The following BRINP2 variants were observed in gnomAD, a reference collection of about 807,000 sequenced individuals.
BRINP2 encodes the protein BMP/retinoic acid inducible neural specific 2.
A neutral mutation model predicts 69.2 loss-of-function variants in BRINP2; 21 were observed. That is an observed-to-expected ratio of 0.30 (90% CI 0.22 to 0.44). The LOEUF (loss-of-function observed/expected upper bound fraction) is 0.44, where lower values mean the gene tolerates loss of function less well. Among genes scored for constraint, BRINP2 ranks in the 20% least tolerant of loss-of-function variants. The pLI is 1.00. For missense variants in BRINP2, 877 were observed against 986.0 expected (o/e 0.89, Z 1.48); for synonymous variants, 380 against 394.1 (o/e 0.96, Z 0.42).
intron 1 of BRINP2, among the ~76,000 whole-genome samples, chr1:177,228,393 C>A (rs556944513): frequency 6.6e-6 from 1 of 152,230 alleles, no homozygotes; most frequent in African/African-American, 2.4e-5. Flanking sequence ...CTGTGCAGCC[C>A]CTTTGGGATT....
Position 177,256,044 on chromosome 1 carries a change from A to C in BRINP2, c.395A>C (p.Gln132Pro). The C allele has an allele frequency of 6.2e-7, 1 of 1,614,222 alleles. No individual in the cohort carries two copies. The highest frequency in any genetic ancestry group is 8.5e-7 in the Non-Finnish European group (1 of 1,180,038). Reference sequence around the variant, plus strand: ...CTCCTTGGAAGGAGACCCAATCTGCAACAGGTTACAGAAAATCTGATTAAA... The same window carrying C: ...CTCCTTGGAAGGAGACCCAATCTGCCACAGGTTACAGAAAATCTGATTAAA... Reference protein sequence around the residue: ...IRLLGRRPNLQQVTENLIKKY... With the variant: ...IRLLGRRPNLPQVTENLIKKY... Residue 132 changes from glutamine (Q) to proline (P), a missense_variant, in exon 3 of 8, where the codon CAA (glutamine) becomes CCA (proline). Coordinates refer to ENST00000361539, the MANE Select transcript of BRINP2 (RefSeq NM_021165.4).
chr1:177,211,203 T>C (rs1345781040), intron 1 of BRINP2, among the ~76,000 whole-genome samples: 1 of 152,122 alleles, frequency 6.6e-6, no homozygotes, highest in Non-Finnish European at 1.5e-5. Flanking sequence ...ATAGCATAGA[T>C]GTCAAAATTA....
intron 4 of BRINP2, among the ~76,000 whole-genome samples, chr1:177,261,021 C>T (rs1650932345): frequency 6.6e-6 from 1 of 151,656 alleles, no homozygotes; most frequent in South Asian, 2.1e-4. Flanking sequence ...GAAGACCTGT[C>T]CAAGGAATGC....
chr1:177,238,920 TCTG>T, intron 2 of BRINP2, among the ~76,000 whole-genome samples: 1 of 152,210 alleles, frequency 6.6e-6, no homozygotes, highest in South Asian at 2.1e-4. Context: ...CCCACAAGGG[TCTG>T]CTATTTGTAC....
intron 1 of BRINP2, among the ~76,000 whole-genome samples, chr1:177,213,615 T>C (rs1466093248): frequency 6.6e-6 from 1 of 152,226 alleles, no homozygotes; most frequent in Non-Finnish European, 1.5e-5. Context: ...ATAATTAATC[T>C]GTTTTGATTC....
chr1:177,181,897 G>A (rs957262482), intron 1 of BRINP2, among the ~76,000 whole-genome samples: 3 of 152,236 alleles, frequency 2.0e-5, no homozygotes, highest in South Asian at 4.1e-4. Context: ...CGGCCGCAGA[G>A]GCGCAGGCGG....
At chr1:177,243,905 C>T (rs544049912) in intron 2 of BRINP2, among the ~76,000 whole-genome samples, 3 of 148,696 alleles carry the variant, frequency 2.0e-5, no homozygotes, top group Non-Finnish European at 4.4e-5. Flanking sequence ...GTTTGAAGGA[C>T]TAGACCTGGA....
intron 3 of BRINP2, 184 bp downstream of exon 3, chr1:177,256,293 ATT>A: frequency 1.0e-6 from 1 of 981,874 alleles, no homozygotes. Flanking sequence ...GAACATCTCT[ATT>A]TAATTATTCC....
chr1:177,247,611 T>C (rs1650425385), intron 2 of BRINP2, among the ~76,000 whole-genome samples: 1 of 152,258 alleles, frequency 6.6e-6, no homozygotes, highest in Admixed American at 6.5e-5. Context: ...GCAGTCCTTT[T>C]GAGCACTAAA....
intron 1 of BRINP2, among the ~76,000 whole-genome samples, chr1:177,201,941 G>A (rs1437221110): frequency 1.3e-5 from 2 of 152,196 alleles, no homozygotes; most frequent in African/African-American, 4.8e-5. Flanking sequence ...GAGTGTATGT[G>A]TCGAGGAATT....
intron 2 of BRINP2, among the ~76,000 whole-genome samples, chr1:177,234,666 G>A (rs1004946004): frequency 6.6e-6 from 1 of 152,184 alleles, no homozygotes; most frequent in Non-Finnish European, 1.5e-5. Flanking sequence ...TGGGAGGAAA[G>A]CAATGCTGAA....
chr1:177,256,373 G>T (rs1427377898), intron 3 of BRINP2: 1 of 985,282 alleles, frequency 1.0e-6, no homozygotes, highest in East Asian at 1.1e-4. Flanking sequence ...TGCCAGCAGG[G>T]GGCACTCCCA....
At chr1:177,252,206 A>G (rs1000452344) in intron 2 of BRINP2, among the ~76,000 whole-genome samples, 1 of 152,224 alleles carries the variant, frequency 6.6e-6, no homozygotes, top group Non-Finnish European at 1.5e-5. Flanking sequence ...CACAAAGGAA[A>G]TAACTGACAA....
In BRINP2 at chr1:177,188,532, G is replaced by A. The variant is rs551225671; in HGVS notation, c.-77+16800G>A. ...GGTCAGGGTAGACCTCAAGGAAGAG[G>A]TGACATTTAAGCAAAGACTAGAAGA... On this transcript the variant is annotated intron_variant, in intron 1 of 7. Transcript: ENST00000361539. Among the ~76,000 whole-genome samples the A allele has an allele frequency of 5.3e-5, 8 of 152,330 alleles. No individual in the cohort carries two copies. The South Asian group carries it at 1.7e-3, about 32-fold the overall frequency.
chr1:177,182,412 GC>G lies in BRINP2; in HGVS notation c.-77+10681del, dbSNP rs1253199002. On this transcript the variant is annotated intron_variant, in intron 1 of 7. Transcript: ENST00000361539. ...GATTTTAACCCAAGTGAGACATGGT[GC>G]TTTTCCTTGTTGAGAGGAATTGTAG... 1.2e-4 allele frequency among the ~76,000 whole-genome samples: 19 copies of G among 152,198 alleles called. 1 individual carries two copies. In the Middle Eastern group the frequency reaches 0.017, roughly 136 times the overall value.
chr1:177,215,642 C>A (rs1340076401), intron 1 of BRINP2, among the ~76,000 whole-genome samples: 1 of 152,038 alleles, frequency 6.6e-6, no homozygotes, highest in Non-Finnish European at 1.5e-5. Context: ...CAAACAGTGA[C>A]AATTTCACTT....
At chr1:177,237,132 A>C (rs1352206372) in intron 2 of BRINP2, among the ~76,000 whole-genome samples, 2 of 152,190 alleles carry the variant, frequency 1.3e-5, no homozygotes, top group African/African-American at 4.8e-5. Flanking sequence ...GGTTCAAATA[A>C]AAATTGACAT....
intron 7 of BRINP2, among the ~76,000 whole-genome samples, chr1:177,279,849 G>A (rs571980925): frequency 7.9e-5 from 12 of 152,290 alleles, no homozygotes; most frequent in South Asian, 4.1e-4. Context: ...ACAGGGTTAC[G>A]TGATGGAGAA....
chr1:177,224,284 A>G (rs978283061), intron 1 of BRINP2, among the ~76,000 whole-genome samples: 2 of 152,196 alleles, frequency 1.3e-5, no homozygotes, highest in South Asian at 4.1e-4. Flanking sequence ...TTGAAAACTT[A>G]TTTAATGTCA....
Sources: gnomAD v4.1 joint callset for allele counts (sites outside exome capture counted in the v4.1 genomes callset) on GRCh38, gnomAD v4.1.1 for gene constraint, MANE v1.5 for transcripts, NCBI Gene and HGNC (gene_info 2026-07-23, HGNC 2026-07-21) for gene names.